NFIC: variants seen among roughly 807,000 people sequenced by gnomAD.
NFIC encodes the protein nuclear factor I C.
In NFIC, 12 loss-of-function variants were observed where a neutral mutation model predicts 54.4. The ratio of observed to expected loss-of-function variants is 0.22; its 90% CI spans 0.14 to 0.36. NFIC has a LOEUF of 0.36. Among genes scored for constraint, NFIC ranks in the 10% least tolerant of loss-of-function variants. The pLI is 1.00. For synonymous variants in NFIC, 322 were observed against 319.2 expected (o/e 1.01, Z -0.09); for missense variants, 575 against 718.2 (o/e 0.80, Z 2.28).
At chr19:3,451,807 C>G (rs890292578) in intron 7 of NFIC, among the ~76,000 whole-genome samples, 37 of 115,178 alleles carry the variant, frequency 3.2e-4, no homozygotes, top group Admixed American at 1.9e-4. Flanking sequence ...CTGTCATCCT[C>G]TGTTTAAAAA....
At chr19:3,456,933 G>C (rs2082568635) in intron 10 of NFIC, 2 of 461,256 alleles carry the variant, frequency 4.3e-6, no homozygotes, top group Middle Eastern at 6.3e-4. Context: ...ATTACCACCT[G>C]CTTCCCATGG....
chr19:3,458,893 C>T lies in NFIC; in HGVS notation c.1509+2258C>T, dbSNP rs913222270. Among the ~76,000 whole-genome samples, 1 of 152,004 alleles carries T rather than the reference C, an allele frequency of 6.6e-6. No individual in the cohort carries two copies. Among genetic ancestry groups the T allele is most frequent in the African/African-American group, 2.4e-5 (1 of 41,364 alleles). ...AGGGGAGCATGGGTTAGGGGGAAGG[C>T]GAGGTCCCCAAACTGGGCATCCAGG... On this transcript the variant is annotated intron_variant, in intron 10 of 10. Coordinates refer to ENST00000443272, the MANE Select transcript of NFIC (RefSeq NM_001245002.2). This position sits in a 1 kb window ranked among gnomAD's most constrained non-coding sequence, Gnocchi z 4.1.
intron 2 of NFIC, among the ~76,000 whole-genome samples, chr19:3,417,890 G>A (rs919424365): frequency 4.1e-4 from 60 of 147,204 alleles, no homozygotes; most frequent in Admixed American, 1.1e-3. Flanking sequence ...CGCCCGCCTC[G>A]GCCTGTCAGA....
intron 3 of NFIC, among the ~76,000 whole-genome samples, chr19:3,433,120 A>C (rs1241900073): frequency 6.6e-6 from 1 of 151,916 alleles, no homozygotes; most frequent in East Asian, 1.9e-4. Context: ...ACGGACCACA[A>C]CACCTGGCTA....
At position 3,429,430 on chromosome 19, in the gene NFIC, A is replaced by G. The variant is rs147208543; in HGVS notation, c.635-4088A>G. On this transcript the variant is annotated intron_variant, in intron 3 of 10. Coordinates refer to ENST00000443272, the MANE Select transcript of NFIC (RefSeq NM_001245002.2). Reference sequence around the variant, plus strand: ...CCTATCTCTACAAAAAGTAATAATAATAATACAAAAATTAGCCAAGGGTGG... The same window carrying G: ...CCTATCTCTACAAAAAGTAATAATAGTAATACAAAAATTAGCCAAGGGTGG... Among the ~76,000 whole-genome samples, 5 of 151,266 alleles carry G rather than the reference A, an allele frequency of 3.3e-5. No homozygotes were observed. The East Asian group carries it at 9.8e-4, about 30-fold the overall frequency.
chr19:3,388,524 T>C (rs2081332367), intron 2 of NFIC, among the ~76,000 whole-genome samples: 1 of 152,064 alleles, frequency 6.6e-6, no homozygotes, highest in Non-Finnish European at 1.5e-5. Context: ...CCAGAACCCC[T>C]TTGAAAAAGG....
chr19:3,421,741 C>T (rs1042346787), intron 2 of NFIC, among the ~76,000 whole-genome samples: 11 of 152,182 alleles, frequency 7.2e-5, no homozygotes, highest in African/African-American at 1.4e-4. Context: ...TAGGAAATAT[C>T]ATTGCTTTGA....
rs145608200 is a variant in NFIC, at chr19:3,412,232, G to A, written c.563-12874G>A. ...AGAGTAGCTGGGACTGCAGGCACAG[G>A]CCACCACGCTGGGCTAATTTTTAGA... is the stretch of plus-strand genomic sequence containing the variant. On this transcript the variant is annotated intron_variant, in intron 2 of 10. Coordinates refer to ENST00000443272, the MANE Select transcript of NFIC (RefSeq NM_001245002.2). 9.4e-3 allele frequency among the ~76,000 whole-genome samples: 1,427 copies of A among 151,922 alleles called. 15 individuals are homozygous for A. The highest frequency in any genetic ancestry group is 0.048 in the Middle Eastern group (14 of 294).
chr19:3,414,423 T>C (rs12985600), intron 2 of NFIC, among the ~76,000 whole-genome samples: 141,041 of 151,668 alleles, frequency 0.93, 65,613 homozygotes, highest in East Asian at 0.97. Flanking sequence ...GGCAAAACCC[T>C]GTCTCTACTA....
intron 2 of NFIC, among the ~76,000 whole-genome samples, chr19:3,393,504 AC>A (rs2081408022): frequency 6.6e-6 from 1 of 151,724 alleles, no homozygotes; most frequent in Non-Finnish European, 1.5e-5. Context: ...TGAGTTCCAG[AC>A]CCAGGGGTCC....
At chr19:3,363,241 GTATA>G (rs1555736643), upstream of NFIC, among the ~76,000 whole-genome samples, 242 of 77,026 alleles carry the variant, frequency 3.1e-3, 12 homozygotes, top group Middle Eastern at 0.018. Flanking sequence ...GTATGTGTGT[GTATA>G]TATATATATA....
intron 1 of NFIC, among the ~76,000 whole-genome samples, chr19:3,367,612 A>G (rs1397007654): frequency 2.0e-5 from 3 of 152,316 alleles, no homozygotes; most frequent in South Asian, 2.1e-4. Context: ...CTTCCAGCCC[A>G]GGCTCCCGGG....
chr19:3,399,198 C>A (rs2081514250), intron 2 of NFIC, among the ~76,000 whole-genome samples: 1 of 152,204 alleles, frequency 6.6e-6, no homozygotes, highest in Non-Finnish European at 1.5e-5. Context: ...AGGTGGCATC[C>A]CCTCTCTGGG....
chr19:3,375,766 C>T lies in NFIC; in HGVS notation c.31-5946C>T, dbSNP rs547463733. On this transcript the variant is annotated intron_variant, in intron 1 of 10. Transcript: ENST00000443272. The surrounding 1 kb of genome is among the most constrained non-coding windows in gnomAD (Gnocchi z 4.6). ...CCCTCCCCCCGAAGCACCCCACGGC[C>T]GGAGGTGGCCCAAGGGGACGTGGAG... Among the ~76,000 whole-genome samples, 52 of 152,298 alleles carry T rather than the reference C, an allele frequency of 3.4e-4. No individual in the cohort carries two copies. Among genetic ancestry groups the T allele is most frequent in the South Asian group, 2.1e-3 (10 of 4,828 alleles).
At chr19:3,366,526 C>G, upstream of NFIC, 1 of 373,072 alleles carries the variant, frequency 2.7e-6, no homozygotes, top group Non-Finnish European at 3.9e-6. Flanking sequence ...AGCGCGCCGG[C>G]CGCGGGGCGG....
chr19:3,465,430 T>TAAA lies in NFIC; in HGVS notation c.*2683_*2685dup, dbSNP rs10617203. 3 of 60,810 alleles carry TAAA rather than the reference T, an allele frequency of 4.9e-5. No homozygotes were observed. The highest frequency in any genetic ancestry group is 1.7e-4 in the Admixed American group (1 of 6,060). 3.8% of individuals were successfully genotyped at this position (60,810 alleles called of 1,614,324 possible). ...AATAAAAAATAAGAAAGTGAGAATC[T>TAAA]AAAAAAAAAAAAAAAAAAAAAAAAG... On this transcript the variant is annotated 3_prime_UTR_variant, in exon 11 of 11. Coordinates refer to ENST00000443272, the MANE Select transcript of NFIC (RefSeq NM_001245002.2).
At chr19:3,436,887 T>C (rs894930546) in intron 6 of NFIC, among the ~76,000 whole-genome samples, 2 of 152,156 alleles carry the variant, frequency 1.3e-5, no homozygotes, top group African/African-American at 4.8e-5. Flanking sequence ...CTGTGTGCTG[T>C]GTAACCTGGG....
intron 6 of NFIC, among the ~76,000 whole-genome samples, chr19:3,439,968 G>A (rs927095653): frequency 6.6e-5 from 10 of 152,056 alleles, no homozygotes; most frequent in Non-Finnish European, 8.8e-5. Flanking sequence ...GATTACAGGC[G>A]TGAGCCACCG....
rs187666771 is a variant in NFIC, at chr19:3,369,613, C to A, written c.30+2947C>A. On this transcript the variant is annotated intron_variant, in intron 1 of 10. Coordinates refer to ENST00000443272, the MANE Select transcript of NFIC (RefSeq NM_001245002.2). The surrounding 1 kb of genome is among the most constrained non-coding windows in gnomAD (Gnocchi z 4.3). ...TGGCGGCCCTGGGGCATTCTGGGAG[C>A]CCCGGGCCGGGCTCAGCGGTGACTC... Among the ~76,000 whole-genome samples the A allele has an allele frequency of 6.6e-5, 10 of 152,160 alleles. No homozygotes were observed. The highest frequency in any genetic ancestry group is 5.2e-4 in the Admixed American group (8 of 15,284).
Sources: gnomAD v4.1 joint callset for allele counts (sites outside exome capture counted in the v4.1 genomes callset) on GRCh38, gnomAD v4.1.1 for gene constraint, Gnocchi (gnomAD v3.1) non-coding constraint, MANE v1.5 for transcripts, NCBI Gene and HGNC (gene_info 2026-07-23, HGNC 2026-07-21) for gene names.